ADCK1: variants seen among roughly 807,000 people sequenced by gnomAD.
The protein encoded by ADCK1 is aarF domain-containing protein kinase 1.
ADCK1 carries 41 observed loss-of-function variants against 52.3 expected under a neutral mutation model. The observed-to-expected ratio is 0.78, with a 90% CI of 0.61 to 1.02. The LOEUF (loss-of-function observed/expected upper bound fraction) is 1.02, where lower values mean the gene tolerates loss of function less well. Among genes scored for constraint, ADCK1 ranks in the 50% least tolerant of loss-of-function variants. The pLI is 0.00. For missense variants in ADCK1, 658 were observed against 679.5 expected (o/e 0.97, Z 0.35); for synonymous variants, 250 against 274.6 (o/e 0.91, Z 0.89).
intron 1 of ADCK1, among the ~76,000 whole-genome samples, chr14:77,815,771 C>A (rs1359673923): frequency 6.6e-6 from 1 of 150,532 alleles, no homozygotes; most frequent in African/African-American, 2.4e-5. Flanking sequence ...CCTGCCTTGG[C>A]CTCCCAAAGT....
intron 6 of ADCK1, among the ~76,000 whole-genome samples, chr14:77,904,044 TA>T (rs1283014956): frequency 6.6e-6 from 1 of 152,058 alleles, no homozygotes; most frequent in Non-Finnish European, 1.5e-5. Flanking sequence ...GGAATAGAGG[TA>T]GCCTGCTCCA....
intron 7 of ADCK1, among the ~76,000 whole-genome samples, chr14:77,914,047 G>A (rs8015618): frequency 0.6 from 91,081 of 151,892 alleles, 28,405 homozygotes; most frequent in African/African-American, 0.77. Context: ...AAGTCTTTCA[G>A]TTAATCTTTC....
chr14:77,805,032 C>T (rs1250374207), intron 1 of ADCK1, among the ~76,000 whole-genome samples: 1 of 151,746 alleles, frequency 6.6e-6, no homozygotes, highest in African/African-American at 2.4e-5. Context: ...CATGGAGAAA[C>T]CCTGTCTCTA....
chr14:77,926,267 A>G (rs1263424448), intron 9 of ADCK1, among the ~76,000 whole-genome samples: 1 of 152,158 alleles, frequency 6.6e-6, no homozygotes, highest in Non-Finnish European at 1.5e-5. Context: ...ACCTGCTCAC[A>G]CTAGATTCCA....
intron 6 of ADCK1, among the ~76,000 whole-genome samples, chr14:77,903,176 T>G (rs1023899224): frequency 7.2e-5 from 11 of 152,254 alleles, no homozygotes; most frequent in Admixed American, 5.2e-4. Flanking sequence ...TTTGACCTGC[T>G]GTTTCCAAAA....
chr14:77,907,665 C>T (rs2287651), intron 6 of ADCK1, 138 bp from the exon 7 acceptor site: 27,688 of 606,824 alleles, frequency 0.046, 787 homozygotes, highest in South Asian at 0.059. Flanking sequence ...CCACTGTCAC[C>T]GCTGAGGTCC....
intron 9 of ADCK1, among the ~76,000 whole-genome samples, chr14:77,928,658 C>T (rs893388960): frequency 1.8e-4 from 28 of 152,010 alleles, no homozygotes; most frequent in Non-Finnish European, 3.5e-4. Flanking sequence ...GATGGGGTTT[C>T]GCCATGTTGG....
In ADCK1 at chr14:77,810,767, A is replaced by G. The variant is rs564880005; in HGVS notation, c.-11-8201A>G. Among the ~76,000 whole-genome samples, 262 of 151,376 alleles carry G rather than the reference A, an allele frequency of 1.7e-3. 1 individual carries two copies. The highest frequency in any genetic ancestry group is 7.1e-3 in the Middle Eastern group (2 of 282). On this transcript the variant is annotated intron_variant, in intron 1 of 10. Transcript: ENST00000238561. ...AGGATGGTCTCGATCTTCTGACCTC[A>G]TGATTTGCCTGCCTCAGCCTCCCAA... is the stretch of plus-strand genomic sequence containing the variant.
At chr14:77,896,009 C>G (rs911131899) in intron 5 of ADCK1, among the ~76,000 whole-genome samples, 1 of 152,036 alleles carries the variant, frequency 6.6e-6, no homozygotes, top group Non-Finnish European at 1.5e-5. Flanking sequence ...GAAACCAGTT[C>G]GATGAGCACT....
intron 4 of ADCK1, among the ~76,000 whole-genome samples, chr14:77,860,797 C>A (rs1310311396): frequency 1.3e-5 from 2 of 152,296 alleles, no homozygotes. Flanking sequence ...CGAGATTCAC[C>A]CCCAAATTAA....
At chr14:77,840,389 C>T (rs1335912659) in intron 3 of ADCK1, among the ~76,000 whole-genome samples, 1 of 151,950 alleles carries the variant, frequency 6.6e-6, no homozygotes, top group African/African-American at 2.4e-5. Context: ...GCTCATGGTC[C>T]CATTCCTCCA....
At chr14:77,922,255 G>A (rs941540491) in intron 7 of ADCK1, among the ~76,000 whole-genome samples, 1 of 152,168 alleles carries the variant, frequency 6.6e-6, no homozygotes, top group Non-Finnish European at 1.5e-5. Flanking sequence ...TGGTGGCCCT[G>A]GGGCATCTGG....
At chr14:77,897,198 C>T (rs1230215669) in intron 5 of ADCK1, among the ~76,000 whole-genome samples, 2 of 152,156 alleles carry the variant, frequency 1.3e-5, no homozygotes, top group Non-Finnish European at 2.9e-5. Flanking sequence ...TCAGATAACT[C>T]GGACTGTCAT....
chr14:77,816,196 G>C (rs2081446112), intron 1 of ADCK1, among the ~76,000 whole-genome samples: 1 of 152,112 alleles, frequency 6.6e-6, no homozygotes, highest in African/African-American at 2.4e-5. Context: ...ATTAGGAAAT[G>C]AAGGTTCCAA....
chr14:77,833,124 G>A (rs1351982362), intron 3 of ADCK1, among the ~76,000 whole-genome samples: 2 of 152,136 alleles, frequency 1.3e-5, no homozygotes, highest in Non-Finnish European at 2.9e-5. Context: ...TAGAACTCTG[G>A]CCCCTGGTCT....
chr14:77,919,693 T>A (rs2084005068), intron 7 of ADCK1, among the ~76,000 whole-genome samples: 1 of 152,258 alleles, frequency 6.6e-6, no homozygotes. Context: ...TAGTTTACAT[T>A]CCCACCAGCA....
At chr14:77,912,832 C>T (rs2083826765) in intron 7 of ADCK1, among the ~76,000 whole-genome samples, 1 of 152,128 alleles carries the variant, frequency 6.6e-6, no homozygotes, top group Non-Finnish European at 1.5e-5. Context: ...GGCCTCCTCA[C>T]CCTACAGCAT....
chr14:77,831,687 C>T lies in ADCK1; in HGVS notation c.219+9169C>T, dbSNP rs370630090. Among the ~76,000 whole-genome samples, 7 of 152,068 alleles carry T rather than the reference C, an allele frequency of 4.6e-5. No homozygotes were observed. The South Asian group carries it at 1.2e-3, about 27-fold the overall frequency. On this transcript the variant is annotated intron_variant, in intron 3 of 10. Transcript: ENST00000238561. ...GCAGCCTCGACCTCCTGGGCTCAAGCAGTCCTCTTGCCTTGGCCTCCCAAA... is the reference window on the plus strand; with the variant it reads ...GCAGCCTCGACCTCCTGGGCTCAAGTAGTCCTCTTGCCTTGGCCTCCCAAA...
intron 1 of ADCK1, among the ~76,000 whole-genome samples, chr14:77,811,837 A>G (rs2081344211): frequency 6.6e-6 from 1 of 152,216 alleles, no homozygotes; most frequent in Non-Finnish European, 1.5e-5. Context: ...AAGAAAAACA[A>G]TGATAACACC....
Sources: gnomAD v4.1 joint callset for allele counts (sites outside exome capture counted in the v4.1 genomes callset) on GRCh38, gnomAD v4.1.1 for gene constraint, MANE v1.5 for transcripts, NCBI Gene and HGNC (gene_info 2026-07-23, HGNC 2026-07-21) for gene names.